The following IGF1R variants were observed in gnomAD, a reference collection of about 807,000 sequenced individuals.
The protein encoded by IGF1R is insulin-like growth factor 1 receptor.
IGF1R carries 44 observed loss-of-function variants against 144.6 expected under a neutral mutation model. That is an observed-to-expected ratio of 0.30 (90% CI 0.24 to 0.39). The LOEUF (loss-of-function observed/expected upper bound fraction) is 0.39. IGF1R is among the 10% of genes least tolerant of loss of function. The probability of loss-of-function intolerance (pLI) is 1.00; values close to 1 mark genes in which losing one functional copy is unlikely to be tolerated. For missense variants in IGF1R, 1,355 were observed against 1,833.7 expected (o/e 0.74, Z 4.77); for synonymous variants, 795 against 722.8 (o/e 1.10, Z -1.60).
chr15:98,840,675 TTG>T (rs1462634483), intron 2 of IGF1R, among the ~76,000 whole-genome samples: 9 of 136,564 alleles, frequency 6.6e-5, no homozygotes, highest in Non-Finnish European at 1.1e-4. Flanking sequence ...GTTTTTTGTT[TTG>T]TTTTTTTTTT....
chr15:98,712,843 C>T (rs2054025605), intron 2 of IGF1R, among the ~76,000 whole-genome samples: 1 of 149,980 alleles, frequency 6.7e-6, no homozygotes. Context: ...CTCCCGACCT[C>T]AGGCGATCCA....
At chr15:98,878,850 G>A (rs1419544654) in intron 2 of IGF1R, among the ~76,000 whole-genome samples, 3 of 151,992 alleles carry the variant, frequency 2.0e-5, no homozygotes, top group African/African-American at 7.2e-5. Context: ...CAAAAAATTA[G>A]CTGGGCGTGG....
In IGF1R at chr15:98,648,902, G is replaced by C. The variant is rs2141152845; in HGVS notation, c.-680G>C. ...GGCGCGGGGCGGGCGGCGGCGCAGA[G>C]CCGGGCGGCGCGGCGGGAGTGCTGA... On this transcript the variant is annotated 5_prime_UTR_variant, in exon 1 of 21. Coordinates refer to ENST00000650285, the MANE Select transcript of IGF1R (RefSeq NM_000875.5). 1 of 153,668 alleles carries C rather than the reference G, an allele frequency of 6.5e-6. No individual in the cohort carries two copies. Among genetic ancestry groups the C allele is most frequent in the East Asian group, 1.4e-4 (1 of 6,902 alleles). The allele number at this position is 153,668 out of a possible 1,614,324, so 9.5% of individuals were successfully genotyped here. A position where few individuals can be genotyped will look rare whatever the true frequency, so the allele number is the denominator to read the frequency against.
At chr15:98,866,206 C>T (rs970725196) in intron 2 of IGF1R, among the ~76,000 whole-genome samples, 3 of 152,174 alleles carry the variant, frequency 2.0e-5, no homozygotes, top group African/African-American at 7.2e-5. Flanking sequence ...ACGCTCCTGC[C>T]GTCCACAGGA....
intron 2 of IGF1R, among the ~76,000 whole-genome samples, chr15:98,751,268 G>T (rs548154537): frequency 4.6e-5 from 7 of 152,132 alleles, no homozygotes; most frequent in Non-Finnish European, 1.0e-4. Context: ...TGGTACCATC[G>T]TAACTCACTG....
chr15:98,937,342 A>G (rs1275219425), intron 17 of IGF1R, among the ~76,000 whole-genome samples: 2 of 152,184 alleles, frequency 1.3e-5, no homozygotes, highest in African/African-American at 4.8e-5. Flanking sequence ...GGCACAGAAT[A>G]AAAATTCAGA....
At chr15:98,683,649 TTA>T (rs1468456163) in intron 1 of IGF1R, among the ~76,000 whole-genome samples, 5 of 152,248 alleles carry the variant, frequency 3.3e-5, no homozygotes, top group Non-Finnish European at 7.3e-5. Flanking sequence ...CGGTATCCTC[TTA>T]TATAAGTGCA....
Position 98,891,712 on chromosome 15 carries a change from G to T in IGF1R, c.953+75G>T. On this transcript the variant is annotated intron_variant, in intron 3 of 20. Coordinates refer to ENST00000650285, the MANE Select transcript of IGF1R (RefSeq NM_000875.5). The surrounding 1 kb of genome is among the most constrained non-coding windows in gnomAD (Gnocchi z 4.7). ...ACCCTAGCACACAAAGGTAGACTCT[G>T]TCGGTTGTTTCATCCGGGTGCAGCC... 6.9e-7 allele frequency: 1 copy of T among 1,459,786 alleles called. No homozygotes were observed. 90.4% of individuals were successfully genotyped at this position (1,459,786 alleles called of 1,614,324 possible).
chr15:98,840,051 G>T (rs1395262921), intron 2 of IGF1R, among the ~76,000 whole-genome samples: 1 of 152,194 alleles, frequency 6.6e-6, no homozygotes, highest in Non-Finnish European at 1.5e-5. Context: ...CTTTGACACT[G>T]CCCTTGTGAT....
intron 2 of IGF1R, among the ~76,000 whole-genome samples, chr15:98,867,716 A>G (rs575318421): frequency 1.3e-5 from 2 of 152,314 alleles, no homozygotes; most frequent in East Asian, 1.9e-4. Context: ...ATGAACAAAT[A>G]TTTAATAAGA....
intron 15 of IGF1R, among the ~76,000 whole-genome samples, chr15:98,932,148 T>A (rs1423217212): frequency 6.6e-6 from 1 of 152,212 alleles, no homozygotes; most frequent in Non-Finnish European, 1.5e-5. Context: ...ACATTTTGTG[T>A]CCTTCTAGAA....
intron 13 of IGF1R, among the ~76,000 whole-genome samples, chr15:98,927,418 C>G (rs1475475223): frequency 6.6e-6 from 1 of 152,210 alleles, no homozygotes; most frequent in Non-Finnish European, 1.5e-5. Context: ...GAAATAATCT[C>G]AGGTCTTTTG....
chr15:98,925,906 A>G (rs1240949489), intron 13 of IGF1R, among the ~76,000 whole-genome samples: 1 of 149,310 alleles, frequency 6.7e-6, no homozygotes, highest in Non-Finnish European at 1.5e-5. Context: ...CCATCTCAAG[A>G]AAAAAGGAAA....
At chr15:98,928,192 G>A (rs773191735) in intron 13 of IGF1R, among the ~76,000 whole-genome samples, 6 of 152,126 alleles carry the variant, frequency 3.9e-5, no homozygotes, top group Non-Finnish European at 8.8e-5. Flanking sequence ...CGCCTTGGGG[G>A]GATGGTATGA....
chr15:98,939,400 T>G (rs1191660645), intron 18 of IGF1R, 40 bp downstream of exon 18: 3 of 1,607,950 alleles, frequency 1.9e-6, no homozygotes, highest in Non-Finnish European at 2.6e-6. Flanking sequence ...AGAACTAAAC[T>G]CAGGTGTTTT....
chr15:98,904,740 G>A (rs1427709136), intron 5 of IGF1R, among the ~76,000 whole-genome samples: 1 of 152,224 alleles, frequency 6.6e-6, no homozygotes, highest in Non-Finnish European at 1.5e-5. Context: ...TATAATTGCA[G>A]AATTGTTTTC....
chr15:98,652,851 A>G (rs1035452726), intron 1 of IGF1R, among the ~76,000 whole-genome samples: 1 of 152,054 alleles, frequency 6.6e-6, no homozygotes, highest in Non-Finnish European at 1.5e-5. Context: ...ATGGCTGCAT[A>G]GCTCTAAATA....
At position 98,711,332 on chromosome 15, in the gene IGF1R, GGT is replaced by G. The variant is rs927874697; in HGVS notation, c.640+3233_640+3234del. Among the ~76,000 whole-genome samples the G allele has an allele frequency of 7.2e-5, 11 of 152,152 alleles. No homozygotes were observed. In the East Asian group the frequency reaches 2.1e-3, roughly 29 times the overall value. ...AGAACATCTGGAGAAACACGTCAAG[GGT>G]GTGTGTGAAATCGTTGAGCCTACTC... On this transcript the variant is annotated intron_variant, in intron 2 of 20. Coordinates refer to ENST00000650285, the MANE Select transcript of IGF1R (RefSeq NM_000875.5).
intron 2 of IGF1R, among the ~76,000 whole-genome samples, chr15:98,876,310 GA>G (rs1176080836): frequency 7.7e-6 from 1 of 129,814 alleles, no homozygotes; most frequent in Non-Finnish European, 1.6e-5. Flanking sequence ...AAACTATTAA[GA>G]GTTAAAAAAA....
Sources: allele counts gnomAD v4.1 joint callset (sites outside exome capture counted in the v4.1 genomes callset), GRCh38; gene constraint gnomAD v4.1.1; non-coding constraint Gnocchi (gnomAD v3.1); transcripts MANE v1.5; gene names NCBI Gene and HGNC (gene_info 2026-07-23, HGNC 2026-07-21).